The following FAM135B variants were observed in gnomAD, a reference collection of about 807,000 sequenced individuals.
FAM135B encodes the protein protein FAM135B.
FAM135B carries 43 observed loss-of-function variants against 127.7 expected under a neutral mutation model. The observed-to-expected ratio is 0.34, with a 90% CI of 0.26 to 0.43. FAM135B has a LOEUF of 0.43. Among genes scored for constraint, FAM135B ranks in the 20% least tolerant of loss-of-function variants. The pLI is 1.00. For synonymous variants in FAM135B, 670 were observed against 665.1 expected (o/e 1.01, Z -0.11); for missense variants, 1,558 against 1,725.6 (o/e 0.90, Z 1.72).
At position 138,287,541 on chromosome 8, in the gene FAM135B, T is replaced by A. The variant is rs540356767; in HGVS notation, c.158-21699A>T. 3.9e-5 allele frequency among the ~76,000 whole-genome samples: 6 copies of A among 152,044 alleles called. No individual in the cohort carries two copies. The East Asian group carries it at 1.2e-3, about 29-fold the overall frequency. ...CCCTTAGAGAAACCTTTCACATGTT[T>A]TCACAAAGAGGCATGGACAGAAATG... On this transcript the variant is annotated intron_variant, in intron 3 of 19. Coordinates refer to ENST00000395297, the MANE Select transcript of FAM135B (RefSeq NM_015912.4).
chr8:138,210,361 C>T (rs1020188954), intron 7 of FAM135B, among the ~76,000 whole-genome samples: 2 of 152,030 alleles, frequency 1.3e-5, no homozygotes, highest in Non-Finnish European at 1.5e-5. Flanking sequence ...TTTGTCTCTC[C>T]CCCTAGTATT....
At chr8:138,404,474 G>T (rs1015871149) in intron 1 of FAM135B, among the ~76,000 whole-genome samples, 1 of 152,140 alleles carries the variant, frequency 6.6e-6, no homozygotes, top group Non-Finnish European at 1.5e-5. Flanking sequence ...AATGAAGTTT[G>T]CCATGTCATT....
chr8:138,344,530 G>A (rs923506667), intron 2 of FAM135B, among the ~76,000 whole-genome samples: 1 of 150,186 alleles, frequency 6.7e-6, no homozygotes, highest in Non-Finnish European at 1.5e-5. Flanking sequence ...ACGCTTTTCC[G>A]AACCCTCAGT....
At position 138,132,554 on chromosome 8, in the gene FAM135B, G is replaced by T. The variant is rs1402013952; in HGVS notation, c.*39C>A. On this transcript the variant is annotated 3_prime_UTR_variant, in exon 20 of 20. Transcript: ENST00000395297. This position sits in a 1 kb window ranked among gnomAD's most constrained non-coding sequence, Gnocchi z 4.5. ...CAGGTCTCAGCTAAAGCTCTCCACC[G>T]ATCGTAAGCATTACCAAAGACCTGC... 2 of 1,542,566 alleles carry T rather than the reference G, an allele frequency of 1.3e-6. No homozygotes were observed. Among genetic ancestry groups the T allele is most frequent in the Non-Finnish European group, 9.0e-7 (1 of 1,116,222 alleles).
rs1821022248 is a variant in FAM135B, at chr8:138,243,466, C to T, written c.543-398G>A. ...CCTGTCCCTGCTCCTTCCACCAACT[C>T]CTCCCTCCCTGGACCTCTTTTCTTC... On this transcript the variant is annotated intron_variant, in intron 6 of 19. Coordinates refer to ENST00000395297, the MANE Select transcript of FAM135B (RefSeq NM_015912.4). The surrounding 1 kb of genome is among the most constrained non-coding windows in gnomAD (Gnocchi z 7.5). 6.6e-6 allele frequency among the ~76,000 whole-genome samples: 1 copy of T among 152,186 alleles called. No individual in the cohort carries two copies. The highest frequency in any genetic ancestry group is 1.5e-5 in the Non-Finnish European group (1 of 68,044).
chr8:138,371,055 A>C (rs1162106923), intron 1 of FAM135B, among the ~76,000 whole-genome samples: 1 of 152,212 alleles, frequency 6.6e-6, no homozygotes, highest in Non-Finnish European at 1.5e-5. Context: ...ATTTAGGTGC[A>C]AACACTAATT....
intron 2 of FAM135B, among the ~76,000 whole-genome samples, chr8:138,337,392 T>C (rs1159863511): frequency 2.0e-5 from 3 of 152,142 alleles, no homozygotes; most frequent in Non-Finnish European, 2.9e-5. Flanking sequence ...CTTAAGCTGA[T>C]AGTCAACTTC....
intron 2 of FAM135B, among the ~76,000 whole-genome samples, chr8:138,311,363 A>G (rs1325775830): frequency 1.3e-5 from 2 of 152,230 alleles, no homozygotes; most frequent in East Asian, 3.8e-4. Flanking sequence ...CCACTGAGTT[A>G]TTCTTGGAAG....
chr8:138,155,883 T>C (rs1477530041), intron 12 of FAM135B, among the ~76,000 whole-genome samples: 1 of 152,128 alleles, frequency 6.6e-6, no homozygotes, highest in South Asian at 2.1e-4. Context: ...ATTAGACAGA[T>C]GAACGAGACA....
At chr8:138,285,823 C>G (rs993255387) in intron 3 of FAM135B, among the ~76,000 whole-genome samples, 1 of 152,174 alleles carries the variant, frequency 6.6e-6, no homozygotes, top group African/African-American at 2.4e-5. Context: ...GTGAAGCTTT[C>G]GAACAGGATT....
At chr8:138,430,531 T>C (rs577934174) in intron 1 of FAM135B, among the ~76,000 whole-genome samples, 2 of 152,278 alleles carry the variant, frequency 1.3e-5, no homozygotes, top group East Asian at 1.9e-4. Flanking sequence ...CTCTCTCTCC[T>C]GCTGGGCAGG....
chr8:138,315,159 C>A (rs910386681), intron 2 of FAM135B, among the ~76,000 whole-genome samples: 31 of 151,964 alleles, frequency 2.0e-4, no homozygotes, highest in Non-Finnish European at 2.9e-5. Context: ...GGACAAAGGA[C>A]CTGAATACAC....
At chr8:138,275,559 G>A (rs112790926) in intron 3 of FAM135B, among the ~76,000 whole-genome samples, 4 of 152,096 alleles carry the variant, frequency 2.6e-5, no homozygotes, top group South Asian at 2.1e-4. Context: ...GCTGGGCACC[G>A]TGGTGTGTGC....
intron 4 of FAM135B, among the ~76,000 whole-genome samples, chr8:138,265,409 G>A (rs1420956199): frequency 6.6e-6 from 1 of 152,182 alleles, no homozygotes; most frequent in Non-Finnish European, 1.5e-5. Flanking sequence ...CTCATTGACA[G>A]AGGGCCTGAA....
intron 9 of FAM135B, among the ~76,000 whole-genome samples, chr8:138,193,729 A>C (rs1401223363): frequency 1.3e-5 from 2 of 152,206 alleles, no homozygotes; most frequent in South Asian, 2.1e-4. Flanking sequence ...AGAGAAGAGC[A>C]GACCCCATGA....
At chr8:138,280,766 T>G (rs1311217717) in intron 3 of FAM135B, among the ~76,000 whole-genome samples, 1 of 152,160 alleles carries the variant, frequency 6.6e-6, no homozygotes, top group Non-Finnish European at 1.5e-5. Context: ...TTACATCACT[T>G]GTCACAAGGG....
intron 12 of FAM135B, among the ~76,000 whole-genome samples, chr8:138,155,426 A>C (rs1221187941): frequency 1.3e-5 from 2 of 152,212 alleles, no homozygotes; most frequent in Non-Finnish European, 2.9e-5. Flanking sequence ...TAATGACAGG[A>C]TCAAATTCAC....
Position 138,314,811 on chromosome 8 carries a change from TTGAAGAGGAAGTGAGC to T in FAM135B, c.78-3907_78-3892del, listed in dbSNP as rs966668436. Among the ~76,000 whole-genome samples, 4 of 147,252 alleles carry T rather than the reference TTGAAGAGGAAGTGAGC, an allele frequency of 2.7e-5. No homozygotes were observed. In the South Asian group the frequency reaches 8.6e-4, roughly 32 times the overall value. On this transcript the variant is annotated intron_variant, in intron 2 of 19. Transcript: ENST00000395297. ...GGGAAAATCACTTGAGAACAGGAGGTTGAAGAGGAAGTGAGCTGAAATCACAACACTGCACTCCAGC... is the reference window on the plus strand; with the variant it reads ...GGGAAAATCACTTGAGAACAGGAGGTTGAAATCACAACACTGCACTCCAGC...
chr8:138,399,409 C>G (rs1019534491), intron 1 of FAM135B, among the ~76,000 whole-genome samples: 2 of 152,198 alleles, frequency 1.3e-5, no homozygotes, highest in East Asian at 1.9e-4. Flanking sequence ...TAATCTCCCC[C>G]CAACCATTTC....
Sources: gnomAD v4.1 joint callset for allele counts (sites outside exome capture counted in the v4.1 genomes callset) on GRCh38, gnomAD v4.1.1 for gene constraint, Gnocchi (gnomAD v3.1) non-coding constraint, MANE v1.5 for transcripts, NCBI Gene and HGNC (gene_info 2026-07-23, HGNC 2026-07-21) for gene names.